The following LRRC40 variants were observed in gnomAD, a reference collection of about 807,000 sequenced individuals.
LRRC40 encodes the protein leucine rich repeat containing 40.
LRRC40 carries 76 observed loss-of-function variants against 72.8 expected under a neutral mutation model. The ratio of observed to expected loss-of-function variants is 1.04; its 90% CI spans 0.87 to 1.26. The LOEUF (loss-of-function observed/expected upper bound fraction) is 1.26. Ranked by LOEUF, LRRC40 falls within the 50% of genes most tolerant of loss-of-function variation. LRRC40 has a pLI of 0.00. For missense variants in LRRC40, 684 were observed against 698.9 expected (o/e 0.98, Z 0.24); for synonymous variants, 243 against 254.2 (o/e 0.96, Z 0.42).
chr1:70,165,415 C>T (rs889512488), intron 9 of LRRC40, among the ~76,000 whole-genome samples: 1 of 152,210 alleles, frequency 6.6e-6, no homozygotes, highest in African/African-American at 2.4e-5. Flanking sequence ...CTGTGGACCA[C>T]ATTTCTACAT....
intron 1 of LRRC40, among the ~76,000 whole-genome samples, chr1:70,198,693 G>A (rs373627922): frequency 7.2e-5 from 11 of 151,948 alleles, no homozygotes; most frequent in South Asian, 2.1e-4. Flanking sequence ...TAAAAATTGC[G>A]AACAAAATTT....
intron 9 of LRRC40, among the ~76,000 whole-genome samples, chr1:70,166,433 G>A (rs917584589): frequency 2.0e-5 from 3 of 152,128 alleles, no homozygotes; most frequent in African/African-American, 7.2e-5. Context: ...GGTGAGGCAG[G>A]AGGATCATTT....
At chr1:70,163,258 G>C (rs186772380) in intron 9 of LRRC40, among the ~76,000 whole-genome samples, 1 of 151,840 alleles carries the variant, frequency 6.6e-6, no homozygotes, top group African/African-American at 2.4e-5. Flanking sequence ...CCAGCTAATT[G>C]CTGTATTTTT....
At chr1:70,195,356 A>T (rs1571494493) in intron 1 of LRRC40, among the ~76,000 whole-genome samples, 2 of 151,316 alleles carry the variant, frequency 1.3e-5, no homozygotes, top group African/African-American at 4.8e-5. Flanking sequence ...GTTACCCAAG[A>T]ATAAAAACCC....
intron 1 of LRRC40, among the ~76,000 whole-genome samples, chr1:70,196,059 C>G (rs1006070348): frequency 5.3e-5 from 8 of 151,596 alleles, no homozygotes; most frequent in Admixed American, 3.3e-4. Flanking sequence ...CACCACTGTC[C>G]AAGACACAGA....
intron 4 of LRRC40, 122 bp downstream of exon 4, chr1:70,184,663 A>T (rs1668320101): frequency 2.1e-6 from 2 of 937,712 alleles, no homozygotes; most frequent in Non-Finnish European, 3.1e-6. Context: ...CATTTCTGAT[A>T]ATCTAATCAC....
chr1:70,170,029 T>A (rs1267229386), intron 9 of LRRC40, among the ~76,000 whole-genome samples: 1 of 151,800 alleles, frequency 6.6e-6, no homozygotes, highest in Non-Finnish European at 1.5e-5. Flanking sequence ...AAAAAACAAA[T>A]CTAGCAACAT....
intron 1 of LRRC40, among the ~76,000 whole-genome samples, chr1:70,204,981 G>T (rs1668888419): frequency 6.6e-6 from 1 of 152,020 alleles, no homozygotes; most frequent in Admixed American, 6.6e-5. Flanking sequence ...TTCACAAAGG[G>T]GCCGATAAAA....
chr1:70,189,125 G>A lies in LRRC40; in HGVS notation c.300C>T (p.Asp100=), dbSNP rs1668432611. The A allele has an allele frequency of 6.2e-7, 1 of 1,613,468 alleles. No homozygotes were observed. The highest frequency in any genetic ancestry group is 1.3e-5 in the African/African-American group (1 of 74,844). ...CAGTCAGTGCAGGCAAGAGTCGCAG[G>A]TCATCTGTAAGTGACTGAAGTTTAT... The part of the protein sequence containing the change: ...SNNKLQSLTD[D]LRLLPALTVL... The change falls in exon 2 of 15, where the codon GAC becomes GAT. Residue 100 remains aspartate, a synonymous_variant. Transcript: ENST00000370952.
In LRRC40 at chr1:70,150,663, C is replaced by T. The variant is rs1171717336; in HGVS notation, c.1517+465G>A. ...TACCTGTTTGCTTTATTGTCCAAAG[C>T]ACATTGAACTTCTTGAAGTTTCCCA... On this transcript the variant is annotated intron_variant, in intron 13 of 14. Transcript: ENST00000370952. Among the ~76,000 whole-genome samples, 2 of 152,182 alleles carry T rather than the reference C, an allele frequency of 1.3e-5. 1 individual carries two copies. The highest frequency in any genetic ancestry group is 3.9e-4 in the East Asian group (2 of 5,190).
rs573408166 is a variant in LRRC40, at chr1:70,183,327, A to G, written c.537+1458T>C. On this transcript the variant is annotated intron_variant, in intron 4 of 14. Transcript: ENST00000370952. ...CTATGTGGAGTAGATATTATATATT[A>G]GTACCTTCGATTTAATACAGCTAAA... Among the ~76,000 whole-genome samples the G allele has an allele frequency of 2.0e-5, 3 of 152,272 alleles. No individual in the cohort carries two copies. The East Asian group carries it at 5.8e-4, about 30-fold the overall frequency.
At chr1:70,147,427 GA>G (rs946900133) in intron 14 of LRRC40, among the ~76,000 whole-genome samples, 1 of 152,164 alleles carries the variant, frequency 6.6e-6, no homozygotes, top group African/African-American at 2.4e-5. Context: ...GTTCAGGCAT[GA>G]ATTATAGTGC....
intron 3 of LRRC40, among the ~76,000 whole-genome samples, chr1:70,185,934 C>A (rs560990692): frequency 7.9e-5 from 12 of 152,170 alleles, no homozygotes; most frequent in Non-Finnish European, 1.6e-4. Flanking sequence ...TATTTTCATG[C>A]CATATACAGT....
chr1:70,175,805 C>A lies in LRRC40; in HGVS notation c.977+5G>T. 6.5e-7 allele frequency: 1 copy of A among 1,528,016 alleles called. No homozygotes were observed. The highest frequency in any genetic ancestry group is 8.8e-7 in the Non-Finnish European group (1 of 1,134,172). The allele number at this position is 1,528,016 out of a possible 1,614,324, so 94.7% of individuals were successfully genotyped here. On this transcript the variant is annotated splice_donor_5th_base_variant and intron_variant, in intron 7 of 14. Coordinates refer to ENST00000370952, the MANE Select transcript of LRRC40 (RefSeq NM_017768.5). ...AATTTCTATTCATTTGATATTTAAACTTACCTACTAATATCATTGTTGCTT... is the reference window on the plus strand; with the variant it reads ...AATTTCTATTCATTTGATATTTAAAATTACCTACTAATATCATTGTTGCTT...
intron 4 of LRRC40, 108 bp from the exon 5 acceptor site, chr1:70,181,317 C>T: frequency 6.8e-6 from 4 of 587,790 alleles, no homozygotes; most frequent in Non-Finnish European, 1.1e-5. Context: ...ATAAAAGAGA[C>T]TACTTAAGAT....
chr1:70,187,104 C>T (rs542588595), intron 3 of LRRC40, among the ~76,000 whole-genome samples, 161 bp downstream of exon 3: 1 of 151,424 alleles, frequency 6.6e-6, no homozygotes, highest in East Asian at 1.9e-4. Flanking sequence ...AAAAAACATA[C>T]AAACTAAGAA....
intron 2 of LRRC40, among the ~76,000 whole-genome samples, chr1:70,188,297 C>T (rs932936398): frequency 6.6e-6 from 1 of 152,088 alleles, no homozygotes; most frequent in African/African-American, 2.4e-5. Flanking sequence ...CACTTTACCA[C>T]AGGACATGGC....
At chr1:70,183,265 G>A (rs1668285409) in intron 4 of LRRC40, among the ~76,000 whole-genome samples, 1 of 152,134 alleles carries the variant, frequency 6.6e-6, no homozygotes, top group South Asian at 2.1e-4. Flanking sequence ...TCCAAAACAT[G>A]TAAGAGGGAA....
intron 9 of LRRC40, among the ~76,000 whole-genome samples, chr1:70,167,216 T>C (rs1571455832): frequency 1.4e-5 from 2 of 141,298 alleles, no homozygotes; most frequent in East Asian, 4.2e-4. Flanking sequence ...GCAGAAAAGC[T>C]GGTTAAAAAG....
Sources: gnomAD v4.1 joint callset for allele counts (sites outside exome capture counted in the v4.1 genomes callset) on GRCh38, gnomAD v4.1.1 for gene constraint, MANE v1.5 for transcripts, NCBI Gene and HGNC (gene_info 2026-07-23, HGNC 2026-07-21) for gene names.